The following ASIC2 variants were observed in gnomAD, a reference collection of about 807,000 sequenced individuals.
ASIC2 encodes the protein acid-sensing ion channel 2.
ASIC2 carries 25 observed loss-of-function variants against 57.3 expected under a neutral mutation model. The observed-to-expected ratio is 0.44, with a 90% CI of 0.32 to 0.61. ASIC2 has a LOEUF of 0.61. ASIC2 is among the 20% of genes least tolerant of loss of function. The probability of loss-of-function intolerance (pLI) is 0.06; values close to 1 mark genes in which losing one functional copy is unlikely to be tolerated. For missense variants in ASIC2, 641 were observed against 738.1 expected, an observed-to-expected ratio of 0.87 and a Z score of 1.52; for synonymous variants, 319 against 307.5, an observed-to-expected ratio of 1.04 and a Z score of -0.39.
chr17:33,340,133 C>T lies in ASIC2; in HGVS notation c.556-228066G>A, dbSNP rs141776912. 1.1e-4 allele frequency among the ~76,000 whole-genome samples: 17 copies of T among 152,270 alleles called. No homozygotes were observed. The East Asian group carries it at 1.5e-3, about 14-fold the overall frequency. On this transcript the variant is annotated intron_variant, in intron 1 of 9. Coordinates refer to the ASIC2 transcript ENST00000359872. The stretch of plus-strand genomic sequence containing the variant: ...GCCACAAATGTGGAAATGTCAGCAG[C>T]GTTAAAACTCAGAAAGCAAGAAAGA...
At chr17:33,338,304 A>G (rs1024927015) in intron 1 of ASIC2, among the ~76,000 whole-genome samples, 5 of 152,134 alleles carry the variant, frequency 3.3e-5, no homozygotes, top group African/African-American at 4.8e-5. Flanking sequence ...GAGAATGGAG[A>G]TGTTCCTTTC....
At chr17:33,896,181 G>A (rs997993857) in intron 1 of ASIC2, among the ~76,000 whole-genome samples, 2 of 152,150 alleles carry the variant, frequency 1.3e-5, no homozygotes, top group Non-Finnish European at 2.9e-5. Flanking sequence ...GCCTGGTAGA[G>A]GACAAATGAA....
At chr17:33,766,628 GATT>G (rs1180113432) in intron 1 of ASIC2, among the ~76,000 whole-genome samples, 2 of 151,994 alleles carry the variant, frequency 1.3e-5, no homozygotes, top group East Asian at 1.9e-4. Context: ...CTAAATGTGG[GATT>G]ATTATTATTA....
intron 1 of ASIC2, among the ~76,000 whole-genome samples, chr17:34,054,033 T>C (rs759444077): frequency 6.6e-6 from 1 of 152,218 alleles, no homozygotes; most frequent in South Asian, 2.1e-4. Context: ...GCAGACCTTG[T>C]AGAGTGGGAG....
intron 1 of ASIC2, among the ~76,000 whole-genome samples, chr17:33,476,636 A>G (rs150706692): frequency 2.6e-4 from 40 of 151,392 alleles, no homozygotes; most frequent in African/African-American, 9.0e-4. Context: ...GGATGACAGA[A>G]CTTCCAAGAG....
chr17:33,023,593 T>G (rs949978122), intron 6 of ASIC2, among the ~76,000 whole-genome samples: 1 of 152,092 alleles, frequency 6.6e-6, no homozygotes, highest in African/African-American at 2.4e-5. Flanking sequence ...TGCATCCCCC[T>G]ATGATAGCCA....
At chr17:33,217,345 C>T (rs1907529978) in intron 1 of ASIC2, among the ~76,000 whole-genome samples, 1 of 152,162 alleles carries the variant, frequency 6.6e-6, no homozygotes, top group Non-Finnish European at 1.5e-5. Flanking sequence ...CCTCAAAAGG[C>T]AAAGAGAATC....
chr17:34,106,074 T>C (rs887903151), intron 1 of ASIC2, among the ~76,000 whole-genome samples: 1 of 152,074 alleles, frequency 6.6e-6, no homozygotes, highest in African/African-American at 2.4e-5. Flanking sequence ...TCTTTCCTTA[T>C]CTTTTATGAC....
At position 33,579,465 on chromosome 17, in the gene ASIC2, T is replaced by C. The variant is rs377525355; in HGVS notation, c.556-467398A>G. Among the ~76,000 whole-genome samples, 4 of 152,062 alleles carry C rather than the reference T, an allele frequency of 2.6e-5. No individual in the cohort carries two copies. In the East Asian group the frequency reaches 7.7e-4, roughly 29 times the overall value. ...GCGGGGTACCCATCCAGTTTATTCA[T>C]TCAACATTCATTGAGAATCACGTGC... On this transcript the variant is annotated intron_variant, in intron 1 of 9. Coordinates refer to the ASIC2 transcript ENST00000359872.
chr17:33,360,491 G>A (rs113361409), intron 1 of ASIC2, among the ~76,000 whole-genome samples: 7 of 152,260 alleles, frequency 4.6e-5, no homozygotes, highest in African/African-American at 1.7e-4. Flanking sequence ...GAATACCCTT[G>A]CCTCTGCCTG....
intron 1 of ASIC2, among the ~76,000 whole-genome samples, chr17:33,166,434 A>G (rs1905308539): frequency 6.6e-6 from 1 of 152,244 alleles, no homozygotes; most frequent in Non-Finnish European, 1.5e-5. Flanking sequence ...GTTGGGACCA[A>G]GTACTGGCAG....
At chr17:33,152,200 A>G (rs1904828916) in intron 1 of ASIC2, among the ~76,000 whole-genome samples, 1 of 152,300 alleles carries the variant, frequency 6.6e-6, no homozygotes, top group African/African-American at 2.4e-5. Flanking sequence ...TTGGTGGTGC[A>G]CTTGCTCTTC....
At position 33,068,517 on chromosome 17, in the gene ASIC2, G is replaced by A. The variant is rs532185807; in HGVS notation, c.987+20346C>T. On this transcript the variant is annotated intron_variant, in intron 3 of 9. Transcript: ENST00000225823. ...GTGCTATTGCCTGGGCAACAAGAGC[G>A]AAACTCCATCTCAAAACAAAACAAA... 1.1e-3 allele frequency among the ~76,000 whole-genome samples: 135 copies of A among 127,274 alleles called. 3 individuals carry two copies. Among genetic ancestry groups the A allele is most frequent in the Admixed American group, 5.7e-3 (68 of 11,878 alleles). 83.5% of individuals were successfully genotyped at this position (127,274 alleles called of 152,430 possible).
At chr17:33,343,347 G>C (rs189155065) in intron 1 of ASIC2, among the ~76,000 whole-genome samples, 1 of 152,142 alleles carries the variant, frequency 6.6e-6, no homozygotes. Flanking sequence ...ATGTAGTTCC[G>C]TGATTCTTAA....
At chr17:33,132,411 C>T (rs2092350368) in intron 1 of ASIC2, among the ~76,000 whole-genome samples, 1 of 152,084 alleles carries the variant, frequency 6.6e-6, no homozygotes, top group Non-Finnish European at 1.5e-5. Context: ...CCCCAAGGGT[C>T]CCTGTCCTCC....
At chr17:33,024,055 A>C in intron 5 of ASIC2, 41 bp from the exon 6 acceptor site, 1 of 1,611,284 alleles carries the variant, frequency 6.2e-7, no homozygotes, top group Non-Finnish European at 8.5e-7. Flanking sequence ...AGGTGTGGGC[A>C]CTGGGATTTC....
rs1909365508 is a variant in ASIC2 at position 33,263,741 on chromosome 17, A to G, written c.708+27667T>C. Among the ~76,000 whole-genome samples the G allele has an allele frequency of 6.7e-5, 9 of 135,306 alleles. No individual in the cohort carries two copies. The South Asian group carries it at 2.3e-3, about 35-fold the overall frequency. The allele number at this position is 135,306 out of a possible 152,430, so 88.8% of individuals were successfully genotyped here. A position where few individuals can be genotyped will look rare whatever the true frequency, so the allele number is the denominator to read the frequency against. Reference sequence around the variant, plus strand: ...GTGTCTGGGCTGCACAGATCTGGGCATATGAAAGGGGGGCCCACCCGCTGC... The same window carrying G: ...GTGTCTGGGCTGCACAGATCTGGGCGTATGAAAGGGGGGCCCACCCGCTGC... On this transcript the variant is annotated intron_variant, in intron 1 of 9. Transcript: ENST00000225823.
chr17:33,234,165 AGC>A (rs1908211052), intron 1 of ASIC2, among the ~76,000 whole-genome samples: 1 of 152,214 alleles, frequency 6.6e-6, no homozygotes, highest in Non-Finnish European at 1.5e-5. Context: ...CTTTGAAGTT[AGC>A]AGCTTTTTAA....
chr17:34,021,244 A>G (rs192631685), intron 1 of ASIC2, among the ~76,000 whole-genome samples: 3 of 152,004 alleles, frequency 2.0e-5, no homozygotes, highest in Admixed American at 2.0e-4. Flanking sequence ...TATTGAAATA[A>G]CAAACAAATT....
Sources: gnomAD v4.1 joint callset for allele counts (sites outside exome capture counted in the v4.1 genomes callset) on GRCh38, gnomAD v4.1.1 for gene constraint, MANE v1.5 for transcripts, NCBI Gene and HGNC (gene_info 2026-07-23, HGNC 2026-07-21) for gene names.